Variants in SPIRE1 observed in about 807,000 individuals in gnomAD.
SPIRE1 encodes spire type actin nucleation factor 1.
In SPIRE1, 40 loss-of-function variants were observed where a neutral mutation model predicts 94.1. The observed-to-expected ratio is 0.43, with a 90% confidence interval of 0.33 to 0.55. SPIRE1 has a LOEUF of 0.55. Among genes scored for constraint, SPIRE1 ranks in the 20% least tolerant of loss-of-function variants. The pLI, the probability that SPIRE1 is intolerant of heterozygous loss-of-function variation, is 0.06. For missense variants in SPIRE1, 838 were observed against 975.2 expected, an observed-to-expected ratio of 0.86 and a Z score of 1.87; for synonymous variants, 376 against 371.7, an observed-to-expected ratio of 1.01 and a Z score of -0.13.
At chr18:12,567,670 C>A (rs1340225749) in intron 2 of SPIRE1, among the ~76,000 whole-genome samples, 1 of 152,108 alleles carries the variant, frequency 6.6e-6, no homozygotes, top group Non-Finnish European at 1.5e-5. Context: ...GAAGGATTAA[C>A]AAAATATAAA....
chr18:12,614,066 C>T lies in SPIRE1; in HGVS notation c.372+20996G>A, dbSNP rs2037217429. Among the ~76,000 whole-genome samples the T allele has an allele frequency of 2.0e-5, 3 of 151,992 alleles. No homozygotes were observed. In the South Asian group the frequency reaches 6.2e-4, roughly 32 times the overall value. On this transcript the variant is annotated intron_variant, in intron 2 of 16. Coordinates refer to ENST00000409402, the MANE Select transcript of SPIRE1 (RefSeq NM_001128626.2). Reference sequence around the variant, plus strand: ...CTTGAGGCCAAGAGTTCAAGACCAGCCAGGACAACAAAGCAAGACTCTAAC... The same window carrying T: ...CTTGAGGCCAAGAGTTCAAGACCAGTCAGGACAACAAAGCAAGACTCTAAC...
At chr18:12,543,701 G>C (rs2035074965) in intron 3 of SPIRE1, among the ~76,000 whole-genome samples, 1 of 152,208 alleles carries the variant, frequency 6.6e-6, no homozygotes, top group Non-Finnish European at 1.5e-5. Context: ...ACACATTAAA[G>C]AGCGTCTTGC....
intron 10 of SPIRE1, among the ~76,000 whole-genome samples, chr18:12,469,077 T>C (rs2032239263): frequency 6.6e-6 from 1 of 152,096 alleles, no homozygotes; most frequent in African/African-American, 2.4e-5. Flanking sequence ...AATAAAAGTC[T>C]AAGAAAGTCT....
intron 1 of SPIRE1, among the ~76,000 whole-genome samples, chr18:12,650,137 G>A (rs749698694): frequency 8.5e-5 from 13 of 152,192 alleles, no homozygotes; most frequent in Non-Finnish European, 1.8e-4. Flanking sequence ...TATTTGGGAG[G>A]CTGAGGTGCG....
intron 2 of SPIRE1, among the ~76,000 whole-genome samples, chr18:12,578,710 C>T (rs1040684396): frequency 1.3e-5 from 2 of 152,102 alleles, no homozygotes; most frequent in African/African-American, 4.8e-5. Flanking sequence ...ATGTGTAGCC[C>T]TGGGTCAATC....
intron 3 of SPIRE1, among the ~76,000 whole-genome samples, chr18:12,538,627 T>C (rs2034913806): frequency 6.6e-6 from 1 of 152,102 alleles, no homozygotes. Context: ...GCTATGTACT[T>C]AGCATTTCCA....
intron 2 of SPIRE1, among the ~76,000 whole-genome samples, chr18:12,604,703 CACTT>C: frequency 6.6e-6 from 1 of 152,262 alleles, no homozygotes; most frequent in South Asian, 2.1e-4. Context: ...CACCAAGTCT[CACTT>C]AGTGAGGGAA....
intron 2 of SPIRE1, among the ~76,000 whole-genome samples, chr18:12,607,821 C>T (rs1332621129): frequency 2.0e-5 from 3 of 152,146 alleles, no homozygotes; most frequent in African/African-American, 7.2e-5. Flanking sequence ...CGGCTACCCC[C>T]ATACCCTAAT....
At chr18:12,568,878 GGTGATCCAGC>G (rs67183821) in intron 2 of SPIRE1, among the ~76,000 whole-genome samples, 34,509 of 151,954 alleles carry the variant, frequency 0.23, 4,753 homozygotes, top group Non-Finnish European at 0.31. Context: ...TCACTGTAGT[GGTGATCCAGC>G]GTGATCCAGC....
At chr18:12,549,748 C>G (rs918665479) in intron 2 of SPIRE1, among the ~76,000 whole-genome samples, 1 of 151,922 alleles carries the variant, frequency 6.6e-6, no homozygotes, top group Non-Finnish European at 1.5e-5. Flanking sequence ...CGTGCCCAAT[C>G]AACCCTATCC....
At chr18:12,516,420 G>A (rs899177123) in intron 4 of SPIRE1, among the ~76,000 whole-genome samples, 1 of 152,158 alleles carries the variant, frequency 6.6e-6, no homozygotes, top group Admixed American at 6.5e-5. Context: ...GATAGAGTGT[G>A]AGAATAGGGC....
At chr18:12,570,827 A>G (rs2035943588) in intron 2 of SPIRE1, among the ~76,000 whole-genome samples, 1 of 152,176 alleles carries the variant, frequency 6.6e-6, no homozygotes, top group African/African-American at 2.4e-5. Flanking sequence ...ATAACACACC[A>G]AATGAGGACT....
intron 9 of SPIRE1, among the ~76,000 whole-genome samples, chr18:12,483,994 T>G (rs1460443831): frequency 6.6e-6 from 1 of 152,188 alleles, no homozygotes; most frequent in East Asian, 1.9e-4. Flanking sequence ...ATAAAAATTC[T>G]CTGCTACCCT....
At chr18:12,502,796 G>T (rs2033707932) in intron 6 of SPIRE1, among the ~76,000 whole-genome samples, 1 of 152,090 alleles carries the variant, frequency 6.6e-6, no homozygotes, top group Non-Finnish European at 1.5e-5. Context: ...ACAAGCCACG[G>T]CACACACATA....
chr18:12,496,240 G>A, intron 6 of SPIRE1, 138 bp from the exon 7 acceptor site: 1 of 598,852 alleles, frequency 1.7e-6, no homozygotes, highest in Non-Finnish European at 3.0e-6. Context: ...TCAATAAAGT[G>A]GGGAGTAAAT....
chr18:12,488,038 T>C (rs946503164), intron 8 of SPIRE1, among the ~76,000 whole-genome samples: 2 of 152,160 alleles, frequency 1.3e-5, no homozygotes, highest in Admixed American at 1.3e-4. Context: ...AGATATCCAT[T>C]GGCCATTCTT....
intron 2 of SPIRE1, among the ~76,000 whole-genome samples, chr18:12,610,465 T>A (rs1181431289): frequency 6.6e-6 from 1 of 152,160 alleles, no homozygotes; most frequent in African/African-American, 2.4e-5. Context: ...ACTTCCTTCT[T>A]AAGCAGGTTA....
intron 9 of SPIRE1, among the ~76,000 whole-genome samples, chr18:12,484,052 C>T (rs1598918265): frequency 6.6e-6 from 1 of 152,270 alleles, no homozygotes. Context: ...CCAAACAGAA[C>T]CCATCGTATA....
At chr18:12,548,654 C>G (rs1416371288) in intron 2 of SPIRE1, among the ~76,000 whole-genome samples, 1 of 150,972 alleles carries the variant, frequency 6.6e-6, no homozygotes, top group African/African-American at 2.4e-5. Flanking sequence ...CTCTGTCACC[C>G]GGGCTGGAGT....
Sources: allele counts gnomAD v4.1 joint callset (sites outside exome capture counted in the v4.1 genomes callset), GRCh38; gene constraint gnomAD v4.1.1; transcripts MANE v1.5; gene names NCBI Gene and HGNC (gene_info 2026-07-23, HGNC 2026-07-21).